The following GALNT13 variants were observed in gnomAD, a reference collection of about 807,000 sequenced individuals.
The protein encoded by GALNT13 is polypeptide N-acetylgalactosaminyltransferase 13, also known as UDP-GalNAc:polypeptide N-acetylgalactosaminyltransferase 13.
GALNT13 carries 28 observed loss-of-function variants against 64.2 expected under a neutral mutation model. The observed-to-expected ratio is 0.44, with a 90% CI of 0.32 to 0.60. The LOEUF (loss-of-function observed/expected upper bound fraction) is 0.60, where lower values mean the gene tolerates loss of function less well. GALNT13 is among the 20% of genes least tolerant of loss of function. The pLI, the probability that GALNT13 is intolerant of heterozygous loss-of-function variation, is 0.05. For synonymous variants in GALNT13, 214 were observed against 224.6 expected (o/e 0.95, Z 0.42); for missense variants, 577 against 669.8 (o/e 0.86, Z 1.53).
intron 11 of GALNT13, among the ~76,000 whole-genome samples, chr2:154,425,727 T>C (rs1240272892): frequency 6.6e-6 from 1 of 152,190 alleles, no homozygotes; most frequent in African/African-American, 2.4e-5. Flanking sequence ...ACAGAAATGA[T>C]AACACTCGGT....
chr2:153,517,850 C>G, the GALNT13 span, among the ~76,000 whole-genome samples: 2 of 152,098 alleles, frequency 1.3e-5, no homozygotes, highest in Admixed American at 1.3e-4. Flanking sequence ...CCCTAGGATG[C>G]TCATCAACTA....
chr2:153,527,816 C>T, the GALNT13 span, among the ~76,000 whole-genome samples: 1 of 151,930 alleles, frequency 6.6e-6, no homozygotes. Flanking sequence ...TATTGGTTTT[C>T]TTTTTGCTTG....
At chr2:153,127,790 T>C in the GALNT13 span, among the ~76,000 whole-genome samples, 1 of 152,200 alleles carries the variant, frequency 6.6e-6, no homozygotes, top group Non-Finnish European at 1.5e-5. Context: ...TAGGCTTTGG[T>C]AGTTTTGTAT....
the GALNT13 span, among the ~76,000 whole-genome samples, chr2:153,617,547 T>C: frequency 6.6e-6 from 1 of 151,996 alleles, no homozygotes; most frequent in South Asian, 2.1e-4. Flanking sequence ...TTGTCTGGTT[T>C]TTGGTATCAG....
chr2:153,898,439 T>G (rs1190691186), intron 1 of GALNT13, among the ~76,000 whole-genome samples: 1 of 152,138 alleles, frequency 6.6e-6, no homozygotes, highest in African/African-American at 2.4e-5. Flanking sequence ...TAGCTTTACC[T>G]TTAGCTGTTA....
At chr2:153,724,937 C>T in the GALNT13 span, among the ~76,000 whole-genome samples, 1 of 151,120 alleles carries the variant, frequency 6.6e-6, no homozygotes, top group Non-Finnish European at 1.5e-5. Flanking sequence ...ACCATTTGAC[C>T]CAGCCATCCC....
At chr2:153,126,313 T>C in the GALNT13 span, among the ~76,000 whole-genome samples, 2 of 15,166 alleles carry the variant, frequency 1.3e-4, no homozygotes, top group Middle Eastern at 0.045. Context: ...TATATATATA[T>C]ATATATATAT....
At chr2:153,568,967 T>C in the GALNT13 span, among the ~76,000 whole-genome samples, 2 of 152,256 alleles carry the variant, frequency 1.3e-5, no homozygotes, top group Non-Finnish European at 2.9e-5. Context: ...TTTAATCTTG[T>C]TGTGTCATAT....
chr2:153,651,099 A>G, the GALNT13 span, among the ~76,000 whole-genome samples: 7 of 152,300 alleles, frequency 4.6e-5, no homozygotes, highest in Admixed American at 3.9e-4. Context: ...ATAATTAACA[A>G]TAGTGCATTG....
the GALNT13 span, among the ~76,000 whole-genome samples, chr2:153,709,774 G>GGT: frequency 6.6e-6 from 1 of 151,704 alleles, no homozygotes; most frequent in Non-Finnish European, 1.5e-5. Context: ...CAGAAAATGT[G>GGT]GTATATATAT....
At position 153,937,635 on chromosome 2, in the gene GALNT13, C is replaced by T. The variant is rs140587122; in HGVS notation, c.-104-6759C>T. Among the ~76,000 whole-genome samples the T allele has an allele frequency of 2.6e-5, 4 of 152,226 alleles. No individual in the cohort carries two copies. The East Asian group carries it at 7.7e-4, about 29-fold the overall frequency. ...ATTATCAGATATATGAATTATATCT[C>T]AATAAAACTTTTTTAAAACAATCTA... On this transcript the variant is annotated intron_variant, in intron 2 of 12. Transcript: ENST00000392825.
At chr2:154,370,518 A>G (rs780175500) in intron 9 of GALNT13, among the ~76,000 whole-genome samples, 14 of 152,254 alleles carry the variant, frequency 9.2e-5, no homozygotes, top group Middle Eastern at 3.4e-3. Context: ...GTTTGTGAAT[A>G]AAGTTAATGA....
chr2:153,103,003 A>G, the GALNT13 span, among the ~76,000 whole-genome samples: 1 of 152,080 alleles, frequency 6.6e-6, no homozygotes, highest in Admixed American at 6.6e-5. Context: ...CAGGGTATTA[A>G]TGCTGAAACG....
chr2:154,204,624 A>G (rs1187480481), intron 4 of GALNT13, among the ~76,000 whole-genome samples: 1 of 152,182 alleles, frequency 6.6e-6, no homozygotes, highest in East Asian at 1.9e-4. Flanking sequence ...TGGACCTTTT[A>G]CCATTCTCCA....
At chr2:153,382,188 C>G in the GALNT13 span, among the ~76,000 whole-genome samples, 23 of 152,030 alleles carry the variant, frequency 1.5e-4, no homozygotes, top group African/African-American at 5.5e-4. Flanking sequence ...TATCTATCTG[C>G]TTCAGGACCT....
the GALNT13 span, among the ~76,000 whole-genome samples, chr2:153,198,978 G>T: frequency 6.8e-6 from 1 of 147,538 alleles, no homozygotes; most frequent in African/African-American, 2.5e-5. Context: ...AGGCCTGGCA[G>T]TGCCTTCCAG....
the GALNT13 span, among the ~76,000 whole-genome samples, chr2:153,803,151 A>C: frequency 6.6e-6 from 1 of 152,294 alleles, no homozygotes; most frequent in Middle Eastern, 3.4e-3. Flanking sequence ...TCAGGACCAC[A>C]GTCTATGAGC....
chr2:154,283,783 A>G (rs1056878777), intron 8 of GALNT13, among the ~76,000 whole-genome samples: 2 of 152,142 alleles, frequency 1.3e-5, no homozygotes, highest in African/African-American at 4.8e-5. Context: ...ACATTTATCT[A>G]GATGACAAAC....
At chr2:153,893,613 A>G (rs1048272502) in intron 1 of GALNT13, among the ~76,000 whole-genome samples, 1 of 151,894 alleles carries the variant, frequency 6.6e-6, no homozygotes, top group Non-Finnish European at 1.5e-5. Context: ...TTACAAAACA[A>G]CTTTATTCTC....
Sources: gnomAD v4.1 joint callset for allele counts (sites outside exome capture counted in the v4.1 genomes callset) on GRCh38, gnomAD v4.1.1 for gene constraint, MANE v1.5 for transcripts, NCBI Gene and HGNC (gene_info 2026-07-23, HGNC 2026-07-21) for gene names.